Variants in SEMA5A observed in about 807,000 individuals in gnomAD.
The protein encoded by SEMA5A is semaphorin-5A.
A neutral mutation model predicts 135.5 loss-of-function variants in SEMA5A; 55 were observed. The observed-to-expected ratio is 0.41, with a 90% CI of 0.33 to 0.51. SEMA5A has a LOEUF of 0.51. SEMA5A is among the 20% of genes least tolerant of loss of function. The pLI, the probability that SEMA5A is intolerant of heterozygous loss-of-function variation, is 0.37. For missense variants in SEMA5A, 1,290 were observed against 1,419.9 expected, an observed-to-expected ratio of 0.91 and a Z score of 1.47; for synonymous variants, 580 against 546.5, an observed-to-expected ratio of 1.06 and a Z score of -0.85.
At position 9,146,929 on chromosome 5, in the gene SEMA5A, T is replaced by C. The variant is rs181382659; in HGVS notation, c.1481+7559A>G. The stretch of plus-strand genomic sequence containing the variant: ...AGGGGATAATATTTACTTTGTAAAA[T>C]GGGTACATGTCAAAATGTCCTCCTG... On this transcript the variant is annotated intron_variant, in intron 12 of 22. Transcript: ENST00000382496. 2.8e-3 allele frequency among the ~76,000 whole-genome samples: 427 copies of C among 152,286 alleles called. 3 individuals carry two copies. Among genetic ancestry groups the C allele is most frequent in the African/African-American group, 9.6e-3 (400 of 41,552 alleles).
chr5:9,314,160 A>C (rs1036642240), intron 5 of SEMA5A, among the ~76,000 whole-genome samples: 3 of 152,216 alleles, frequency 2.0e-5, no homozygotes, highest in African/African-American at 7.2e-5. Flanking sequence ...TTAACCTGAG[A>C]TATACAAATC....
At position 9,044,437 on chromosome 5, in the gene SEMA5A, A is replaced by AG. The variant is rs1373659075; in HGVS notation, c.3040dup (p.Leu1014ProfsTer2). On this transcript the variant is annotated frameshift_variant, in exon 22 of 23. Coordinates refer to ENST00000382496, the MANE Select transcript of SEMA5A (RefSeq NM_003966.3). LOFTEE classifies it high-confidence loss of function. Reference sequence around the variant, plus strand: ...GATGTGGTTGGTTATGCTGGTATTAAGGGGGGCAGGTGAGACGGGGTGGAT... The same window carrying AG: ...GATGTGGTTGGTTATGCTGGTATTAAGGGGGGGCAGGTGAGACGGGGTGGAT... The AG allele has an allele frequency of 1.2e-6, 2 of 1,613,858 alleles. No individual in the cohort carries two copies. The highest frequency in any genetic ancestry group is 8.5e-7 in the Non-Finnish European group (1 of 1,179,966).
rs766020101 is a variant in SEMA5A at position 9,066,531 on chromosome 5, C to T, written c.2189G>A (p.Arg730Gln). The T allele has an allele frequency of 6.2e-6, 10 of 1,614,050 alleles. No individual in the cohort carries two copies. The highest frequency in any genetic ancestry group is 5.5e-5 in the South Asian group (5 of 91,076). The change falls in exon 17 of 23, where the codon CGA becomes CAA. Residue 730 changes from arginine (R) to glutamine (Q), a missense_variant. Physicochemically the swap from Arg to Gln is conservative, Grantham distance 43. Transcript: ENST00000382496. ...DNGGHYEQRF[R>Q]YTCKARLADP... ...AGCCAGGCGGGCTTTGCATGTGTAT[C>T]GGAATCGTTGCTCATAGTGGCCGCC...
intron 12 of SEMA5A, among the ~76,000 whole-genome samples, chr5:9,140,931 G>A (rs1265013261): frequency 1.3e-5 from 2 of 152,168 alleles, no homozygotes; most frequent in East Asian, 3.8e-4. Flanking sequence ...ATGCCACAGT[G>A]TTAGAGGGAA....
At chr5:9,345,828 C>G (rs1443196113) in intron 3 of SEMA5A, among the ~76,000 whole-genome samples, 1 of 151,958 alleles carries the variant, frequency 6.6e-6, no homozygotes, top group Non-Finnish European at 1.5e-5. Context: ...CTGTATTATA[C>G]ACAACACAAT....
In SEMA5A at chr5:9,241,132, T is replaced by C. The variant is rs1158600530; in HGVS notation, c.271-3242A>G. Among the ~76,000 whole-genome samples, 9 of 152,222 alleles carry C rather than the reference T, an allele frequency of 5.9e-5. No individual in the cohort carries two copies. The East Asian group carries it at 9.6e-4, about 16-fold the overall frequency. On this transcript the variant is annotated intron_variant, in intron 5 of 22. Transcript: ENST00000382496. The stretch of plus-strand genomic sequence containing the variant: ...TTGAATATTCAAAGATTAGATACAG[T>C]AGGCAGTGAGTTTGAAACACCTACA...
At chr5:9,276,758 T>C (rs932309004) in intron 5 of SEMA5A, among the ~76,000 whole-genome samples, 1 of 152,194 alleles carries the variant, frequency 6.6e-6, no homozygotes, top group African/African-American at 2.4e-5. Context: ...TGGCTAGCCA[T>C]GTGCAGAAAA....
intron 1 of SEMA5A, among the ~76,000 whole-genome samples, chr5:9,455,257 ATT>A (rs5865834): frequency 2.3e-3 from 340 of 148,948 alleles, no homozygotes; most frequent in African/African-American, 6.5e-3. Context: ...TTATTTATTT[ATT>A]TTTTTTTTTT....
chr5:9,048,512 TCTTCA>T (rs1292445683), intron 21 of SEMA5A, among the ~76,000 whole-genome samples: 1 of 152,116 alleles, frequency 6.6e-6, no homozygotes, highest in Admixed American at 6.5e-5. Flanking sequence ...ACCCTTAGCA[TCTTCA>T]CTTTTTTCAA....
intron 4 of SEMA5A, among the ~76,000 whole-genome samples, chr5:9,326,018 G>C (rs1752856971): frequency 6.6e-6 from 1 of 152,178 alleles, no homozygotes; most frequent in South Asian, 2.1e-4. Context: ...GACCAAGGCT[G>C]ATCACGAAAC....
In SEMA5A at chr5:9,204,037, A is replaced by G. The variant is rs998117826; in HGVS notation, c.647-1797T>C. Reference sequence around the variant, plus strand: ...TCTCCAAAACAGAATTACCTGATGAAGCAGGCCCCAAAAGCAAAGATACGG... The same window carrying G: ...TCTCCAAAACAGAATTACCTGATGAGGCAGGCCCCAAAAGCAAAGATACGG... On this transcript the variant is annotated intron_variant, in intron 8 of 22. Coordinates refer to ENST00000382496, the MANE Select transcript of SEMA5A (RefSeq NM_003966.3). This position sits in a 1 kb window ranked among gnomAD's most constrained non-coding sequence, Gnocchi z 6.4. Among the ~76,000 whole-genome samples, 1 of 152,172 alleles carries G rather than the reference A, an allele frequency of 6.6e-6. No homozygotes were observed. Among genetic ancestry groups the G allele is most frequent in the African/African-American group, 2.4e-5 (1 of 41,430 alleles).
chr5:9,380,862 G>A (rs1426280524), intron 2 of SEMA5A, among the ~76,000 whole-genome samples: 1 of 151,928 alleles, frequency 6.6e-6, no homozygotes, highest in African/African-American at 2.4e-5. Flanking sequence ...GTCCATGCAG[G>A]GGCTCAAATC....
intron 8 of SEMA5A, among the ~76,000 whole-genome samples, chr5:9,202,529 G>T (rs1745774631): frequency 1.3e-5 from 2 of 152,122 alleles, no homozygotes; most frequent in South Asian, 4.1e-4. Context: ...ACAAAAATTG[G>T]CAGCAAATAT....
At chr5:9,164,099 AAATATTTATATAATTATAAATATAT>A (rs2150290598) in intron 11 of SEMA5A, among the ~76,000 whole-genome samples, 1 of 16,670 alleles carries the variant, frequency 6.0e-5, no homozygotes, top group African/African-American at 1.4e-4. Flanking sequence ...TATATCATAT[AAATATTTATATAATTATAAATATAT>A]CATATAAATA....
intron 2 of SEMA5A, among the ~76,000 whole-genome samples, chr5:9,419,402 G>C (rs535600517): frequency 6.6e-6 from 1 of 152,120 alleles, no homozygotes; most frequent in Non-Finnish European, 1.5e-5. Flanking sequence ...CAGAGTGTGT[G>C]CCTCACTTAG....
chr5:9,375,561 T>C (rs1417130199), intron 3 of SEMA5A, among the ~76,000 whole-genome samples: 1 of 149,898 alleles, frequency 6.7e-6, no homozygotes, highest in Non-Finnish European at 1.5e-5. Context: ...ACTTCTGGCC[T>C]CCAGAACTGT....
At chr5:9,440,991 T>A (rs1758211513) in intron 1 of SEMA5A, among the ~76,000 whole-genome samples, 1 of 152,026 alleles carries the variant, frequency 6.6e-6, no homozygotes, top group Non-Finnish European at 1.5e-5. Flanking sequence ...AAGATACAGG[T>A]TCAAGAAACC....
At chr5:9,458,006 C>G (rs1258429793) in intron 1 of SEMA5A, among the ~76,000 whole-genome samples, 3 of 141,980 alleles carry the variant, frequency 2.1e-5, no homozygotes, top group East Asian at 4.4e-4. Context: ...CTCCCGGGTT[C>G]ATGCCATTCT....
chr5:9,136,452 G>T, intron 13 of SEMA5A, 52 bp downstream of exon 13: 2 of 1,459,974 alleles, frequency 1.4e-6, no homozygotes, highest in Non-Finnish European at 1.9e-6. Flanking sequence ...CGCCAGGGGA[G>T]CATGGCTCCC....
Sources: gnomAD v4.1 joint callset for allele counts (sites outside exome capture counted in the v4.1 genomes callset) on GRCh38, gnomAD v4.1.1 for gene constraint, Gnocchi (gnomAD v3.1) non-coding constraint, MANE v1.5 for transcripts, NCBI Gene and HGNC (gene_info 2026-07-23, HGNC 2026-07-21) for gene names.